RPH3A: variants seen among roughly 807,000 people sequenced by gnomAD.
The protein encoded by RPH3A is rabphilin 3A, also known as rabphilin-3A.
A neutral mutation model predicts 102.2 loss-of-function variants in RPH3A; 48 were observed. That is an observed-to-expected ratio of 0.47 (90% confidence interval 0.37 to 0.60). RPH3A has a LOEUF of 0.60. Among genes scored for constraint, RPH3A ranks in the 20% least tolerant of loss-of-function variants. RPH3A has a pLI of 0.00. For synonymous variants in RPH3A, 310 were observed against 324.3 expected (o/e 0.96, Z 0.47); for missense variants, 781 against 910.1 (o/e 0.86, Z 1.83).
intron 1 of RPH3A, among the ~76,000 whole-genome samples, chr12:112,629,607 C>T (rs2039790093): frequency 6.6e-6 from 1 of 151,262 alleles, no homozygotes; most frequent in Non-Finnish European, 1.5e-5. Context: ...CTCCCTAGTA[C>T]CTGGCACTGC....
At chr12:112,673,774 C>T (rs2040152165) in intron 1 of RPH3A, among the ~76,000 whole-genome samples, 1 of 151,976 alleles carries the variant, frequency 6.6e-6, no homozygotes, top group Non-Finnish European at 1.5e-5. Flanking sequence ...GTAGGTCTTA[C>T]TCATTCTTTC....
At chr12:112,735,263 T>G (rs2136051140) in intron 1 of RPH3A, among the ~76,000 whole-genome samples, 1 of 152,338 alleles carries the variant, frequency 6.6e-6, no homozygotes, top group African/African-American at 2.4e-5. Context: ...GGTTAAACTC[T>G]GGGAAGCTGT....
chr12:112,754,998 T>C (rs1474935511), intron 1 of RPH3A, among the ~76,000 whole-genome samples: 4 of 152,196 alleles, frequency 2.6e-5, no homozygotes, highest in Non-Finnish European at 5.9e-5. Context: ...GCTTTATTGT[T>C]TTCTCCCTCA....
chr12:112,787,770 A>C (rs909643256), upstream of RPH3A, among the ~76,000 whole-genome samples: 8 of 152,190 alleles, frequency 5.3e-5, no homozygotes, highest in Non-Finnish European at 4.4e-5. Context: ...GGAGGATGAG[A>C]TGATGCCGCT....
intron 2 of RPH3A, among the ~76,000 whole-genome samples, chr12:112,819,665 A>C (rs893571975): frequency 5.9e-5 from 9 of 152,250 alleles, no homozygotes; most frequent in Admixed American, 3.3e-4. Context: ...AGCTGGGTTC[A>C]GCTAGGCCAA....
chr12:112,863,718 A>C (rs747935423), intron 5 of RPH3A, among the ~76,000 whole-genome samples: 8 of 152,242 alleles, frequency 5.3e-5, no homozygotes, highest in Non-Finnish European at 8.8e-5. Context: ...AATGGCATAA[A>C]TAGTAGTGCC....
intron 1 of RPH3A, among the ~76,000 whole-genome samples, chr12:112,656,654 T>C (rs1286690178): frequency 6.6e-6 from 1 of 152,192 alleles, no homozygotes; most frequent in Non-Finnish European, 1.5e-5. Context: ...CTCCCACTTA[T>C]TGGTGAGAAT....
At chr12:112,591,201 T>G (rs1214927500) in intron 1 of RPH3A, among the ~76,000 whole-genome samples, 1 of 152,068 alleles carries the variant, frequency 6.6e-6, no homozygotes. Context: ...TCCTCCCACC[T>G]CAGCCTCCTG....
chr12:112,776,343 A>T (rs58121758), intron 1 of RPH3A, among the ~76,000 whole-genome samples: 3,688 of 152,246 alleles, frequency 0.024, 60 homozygotes, highest in Middle Eastern at 0.031. Context: ...ACACGCTCTT[A>T]TTGCTCACTA....
intron 1 of RPH3A, among the ~76,000 whole-genome samples, chr12:112,770,494 C>T (rs2040920358): frequency 6.6e-6 from 1 of 152,054 alleles, no homozygotes; most frequent in Non-Finnish European, 1.5e-5. Context: ...TACAGGCGTG[C>T]ACCACCATGC....
intron 1 of RPH3A, among the ~76,000 whole-genome samples, chr12:112,773,475 T>C (rs983912895): frequency 6.6e-6 from 1 of 152,100 alleles, no homozygotes; most frequent in African/African-American, 2.4e-5. Context: ...CAATGTCATC[T>C]TTTTTTAAAA....
At chr12:112,799,734 G>A (rs1030064356) in intron 2 of RPH3A, among the ~76,000 whole-genome samples, 27 of 152,098 alleles carry the variant, frequency 1.8e-4, no homozygotes, top group African/African-American at 4.6e-4. Context: ...CTAGTTATTC[G>A]CTCATTGGTC....
chr12:112,672,450 C>T (rs1304542796), intron 1 of RPH3A, among the ~76,000 whole-genome samples: 1 of 152,160 alleles, frequency 6.6e-6, no homozygotes, highest in African/African-American at 2.4e-5. Context: ...GGCTTTGATA[C>T]CAGTTTTGCT....
intron 21 of RPH3A, 47 bp from the exon 22 acceptor site, chr12:112,896,603 G>A (rs752179245): frequency 2.6e-5 from 42 of 1,608,358 alleles, no homozygotes; most frequent in Non-Finnish European, 3.2e-5. Context: ...GGTCTAGAAC[G>A]ACCTCTATTC....
At chr12:112,746,682 G>A (rs2040748877) in intron 1 of RPH3A, among the ~76,000 whole-genome samples, 1 of 152,192 alleles carries the variant, frequency 6.6e-6, no homozygotes, top group Admixed American at 6.5e-5. Context: ...ATCAGAGGAA[G>A]GTGGCTCTGC....
At chr12:112,772,617 T>C (rs949164754) in intron 1 of RPH3A, among the ~76,000 whole-genome samples, 1 of 152,208 alleles carries the variant, frequency 6.6e-6, no homozygotes, top group African/African-American at 2.4e-5. Flanking sequence ...AGAGAAGTGG[T>C]TGGTGCGTGG....
At chr12:112,797,647 G>A (rs56917368) in intron 2 of RPH3A, among the ~76,000 whole-genome samples, 1 of 151,970 alleles carries the variant, frequency 6.6e-6, no homozygotes, top group East Asian at 1.9e-4. Flanking sequence ...AGCCAGGCTA[G>A]GTCTTTGGGA....
chr12:112,787,266 T>C (rs1039650363), upstream of RPH3A, among the ~76,000 whole-genome samples: 1 of 152,218 alleles, frequency 6.6e-6, no homozygotes, highest in Non-Finnish European at 1.5e-5. Context: ...GATGAAAATG[T>C]GGACATCTTT....
At chr12:112,720,214 G>A (rs1339032425) in intron 1 of RPH3A, among the ~76,000 whole-genome samples, 2 of 152,262 alleles carry the variant, frequency 1.3e-5, no homozygotes, top group Non-Finnish European at 2.9e-5. Context: ...ATCCATGCAT[G>A]TGTATGTGTG....
Sources: gnomAD v4.1 joint callset for allele counts (sites outside exome capture counted in the v4.1 genomes callset) on GRCh38, gnomAD v4.1.1 for gene constraint, MANE v1.5 for transcripts, NCBI Gene and HGNC (gene_info 2026-07-23, HGNC 2026-07-21) for gene names.